Variants in RBFOX1 observed in about 807,000 individuals in gnomAD.
RBFOX1 encodes RNA binding protein fox-1 homolog 1.
A neutral mutation model predicts 57.7 loss-of-function variants in RBFOX1; 8 were observed. The ratio of observed to expected loss-of-function variants is 0.14; its 90% CI spans 0.08 to 0.25. The LOEUF (loss-of-function observed/expected upper bound fraction) is 0.25, where lower values mean the gene tolerates loss of function less well. RBFOX1 is among the 10% of genes least tolerant of loss of function. RBFOX1 has a pLI of 1.00. For synonymous variants in RBFOX1, 326 were observed against 222.4 expected (o/e 1.47, Z -4.15); for missense variants, 611 against 548.5 (o/e 1.11, Z -1.14).
intron 4 of RBFOX1, among the ~76,000 whole-genome samples, chr16:7,303,511 A>G (rs993043804): frequency 6.6e-6 from 1 of 152,166 alleles, no homozygotes; most frequent in African/African-American, 2.4e-5. Context: ...TCGCCTGCTC[A>G]CCGGCAGAGG....
chr16:6,361,652 T>C (rs1007593000), intron 2 of RBFOX1, among the ~76,000 whole-genome samples: 4 of 148,098 alleles, frequency 2.7e-5, no homozygotes, highest in Non-Finnish European at 4.4e-5. Flanking sequence ...AAAATCATGG[T>C]CAATCATTCT....
chr16:5,240,005 AG>A lies in RBFOX1; in HGVS notation c.125del (p.Gly42GlufsTer66). 1.3e-6 allele frequency: 2 copies of A among 1,530,328 alleles called. No individual in the cohort carries two copies. The highest frequency in any genetic ancestry group is 1.7e-6 in the Non-Finnish European group (2 of 1,144,936). The allele number at this position is 1,530,328 out of a possible 1,614,324, so 94.8% of individuals were successfully genotyped here. On this transcript the variant is annotated frameshift_variant, in exon 1 of 3. Transcript: ENST00000585867. LOFTEE classifies it high-confidence loss of function. Reference sequence around the variant, plus strand: ...GAGAAGAGGCTGCGGCTGGGGCTGGAGGGGGGAAGCGCACAGCCCGAGGACT... The same window carrying A: ...GAGAAGAGGCTGCGGCTGGGGCTGGAGGGGGAAGCGCACAGCCCGAGGACT...
At chr16:7,016,024 A>G (rs913015843) in intron 3 of RBFOX1, among the ~76,000 whole-genome samples, 18 of 152,110 alleles carry the variant, frequency 1.2e-4, no homozygotes, top group African/African-American at 3.9e-4. Context: ...TCTTTCTTGG[A>G]AAGACTACAC....
chr16:5,866,122 C>T (rs1344486417), intron 3 of RBFOX1, among the ~76,000 whole-genome samples: 1 of 152,156 alleles, frequency 6.6e-6, no homozygotes, highest in African/African-American at 2.4e-5. Flanking sequence ...TGCACACCAC[C>T]ATGCCCAGCT....
chr16:6,401,394 A>G (rs1253143222), intron 2 of RBFOX1, among the ~76,000 whole-genome samples: 3 of 152,256 alleles, frequency 2.0e-5, no homozygotes, highest in Admixed American at 1.3e-4. Context: ...CTACTAACTT[A>G]TAAGCATAAC....
rs1382259732 is a variant in RBFOX1, at chr16:7,713,178, T to C, written c.*2433T>C. The stretch of plus-strand genomic sequence containing the variant: ...AATTATGGAAAATTAATATTATGTG[T>C]GGCATATAGTGACTTCTTAACACAC... On this transcript the variant is annotated 3_prime_UTR_variant, in exon 16 of 16. Transcript: ENST00000550418. 1 of 152,232 alleles carries C rather than the reference T, an allele frequency of 6.6e-6. No homozygotes were observed. Among genetic ancestry groups the C allele is most frequent in the African/African-American group, 2.4e-5 (1 of 41,458 alleles). 9.4% of individuals were successfully genotyped at this position (152,232 alleles called of 1,614,324 possible). A position where few individuals can be genotyped will look rare whatever the true frequency, so the allele number is the denominator to read the frequency against.
rs542532288 is a variant in RBFOX1 at position 5,757,921 on chromosome 16, C to T, written c.319-109382C>T. 2.1e-4 allele frequency among the ~76,000 whole-genome samples: 32 copies of T among 152,304 alleles called. No individual in the cohort carries two copies. The South Asian group carries it at 6.2e-3, about 30-fold the overall frequency. The stretch of plus-strand genomic sequence containing the variant: ...ATAAATCTTTCCCCTTCACTACTCT[C>T]GCTGGTCATCACCACTGTAGCTGAC... On this transcript the variant is annotated intron_variant, in intron 3 of 19. Transcript: ENST00000641259.
intron 2 of RBFOX1, among the ~76,000 whole-genome samples, chr16:6,457,443 C>CCCCA (rs1555484711): frequency 0.025 from 1,861 of 75,154 alleles, 121 homozygotes; most frequent in African/African-American, 0.091. Flanking sequence ...GGAAGTCCCC[C>CCCCA]CCCCCGCAAT....
intron 4 of RBFOX1, among the ~76,000 whole-genome samples, chr16:7,511,316 A>G (rs947283107): frequency 6.6e-6 from 1 of 152,184 alleles, no homozygotes; most frequent in Non-Finnish European, 1.5e-5. Flanking sequence ...ACTTTATTAA[A>G]CCACTCAGGG....
chr16:6,833,009 C>G (rs1190417598), intron 3 of RBFOX1, among the ~76,000 whole-genome samples: 1 of 152,098 alleles, frequency 6.6e-6, no homozygotes, highest in Non-Finnish European at 1.5e-5. Flanking sequence ...AATGTTCTAA[C>G]TCAGCACTAG....
intron 4 of RBFOX1, among the ~76,000 whole-genome samples, chr16:7,502,485 G>T (rs910626102): frequency 2.0e-5 from 3 of 152,134 alleles, no homozygotes; most frequent in African/African-American, 4.8e-5. Context: ...AAAGCCATTG[G>T]GTTGTTTAGA....
chr16:6,281,914 G>C (rs186448982), intron 1 of RBFOX1, among the ~76,000 whole-genome samples: 2 of 152,092 alleles, frequency 1.3e-5, no homozygotes, highest in African/African-American at 2.4e-5. Flanking sequence ...GCCCGCCTGA[G>C]TTGAATAGAG....
chr16:6,663,459 C>G (rs962372659), intron 3 of RBFOX1, among the ~76,000 whole-genome samples: 1 of 152,114 alleles, frequency 6.6e-6, no homozygotes, highest in Admixed American at 6.6e-5. Context: ...TAGGAGTGGA[C>G]TAGATCTGTG....
At chr16:7,535,698 T>G (rs1027003886) in intron 5 of RBFOX1, among the ~76,000 whole-genome samples, 1 of 152,214 alleles carries the variant, frequency 6.6e-6, no homozygotes, top group African/African-American at 2.4e-5. Context: ...CCCAAAATAC[T>G]TACTGAACTC....
In RBFOX1 at chr16:7,006,689, C is replaced by T. The variant is rs541351983; in HGVS notation, c.-15-45368C>T. ...TCTTGAACTCCTGGACTCAAGTGAT[C>T]GTCCTTCCTTGGTCTCCCAATGTGC... On this transcript the variant is annotated intron_variant, in intron 3 of 15. Coordinates refer to ENST00000550418, the MANE Select transcript of RBFOX1 (RefSeq NM_018723.4). 1.1e-4 allele frequency among the ~76,000 whole-genome samples: 16 copies of T among 152,244 alleles called. No individual in the cohort carries two copies. The East Asian group carries it at 1.2e-3, about 11-fold the overall frequency.
chr16:6,715,560 C>T (rs965392409), intron 3 of RBFOX1, among the ~76,000 whole-genome samples: 13 of 152,126 alleles, frequency 8.5e-5, no homozygotes, highest in African/African-American at 3.1e-4. Context: ...GCTGAAAACT[C>T]CCGAAGAGTC....
At chr16:7,020,471 A>G (rs929273896) in intron 3 of RBFOX1, among the ~76,000 whole-genome samples, 1 of 152,150 alleles carries the variant, frequency 6.6e-6, no homozygotes, top group Non-Finnish European at 1.5e-5. Context: ...CACCTGCCTC[A>G]ACCTCCCAAA....
At chr16:6,462,187 G>C (rs1248182240) in intron 2 of RBFOX1, among the ~76,000 whole-genome samples, 1 of 152,142 alleles carries the variant, frequency 6.6e-6, no homozygotes, top group Admixed American at 6.6e-5. Flanking sequence ...GAACTCTTTA[G>C]AGTTAATGTG....
chr16:7,095,379 C>A (rs934585611), intron 4 of RBFOX1, among the ~76,000 whole-genome samples: 1 of 152,088 alleles, frequency 6.6e-6, no homozygotes, highest in Non-Finnish European at 1.5e-5. Context: ...CTCAGGTAAT[C>A]GACCTGCCTC....
Sources: allele counts gnomAD v4.1 joint callset (sites outside exome capture counted in the v4.1 genomes callset), GRCh38; gene constraint gnomAD v4.1.1; transcripts MANE v1.5; gene names NCBI Gene and HGNC (gene_info 2026-07-23, HGNC 2026-07-21).